SDK1: variants seen among roughly 807,000 people sequenced by gnomAD.
SDK1 encodes protein sidekick-1.
Under a neutral mutation model 245.5 loss-of-function variants are expected in SDK1, and 157 were observed. The ratio of observed to expected loss-of-function variants is 0.64; its 90% CI spans 0.56 to 0.73. The LOEUF (loss-of-function observed/expected upper bound fraction) is 0.73, where lower values mean the gene tolerates loss of function less well. Among genes scored for constraint, SDK1 ranks in the 30% least tolerant of loss-of-function variants. The probability of loss-of-function intolerance (pLI) is 0.00; values close to 1 mark genes in which losing one functional copy is unlikely to be tolerated. For missense variants in SDK1, 3,583 were observed against 3,002.3 expected (o/e 1.19, Z -4.52); for synonymous variants, 1,647 against 1,278.5 (o/e 1.29, Z -6.15).
At chr7:3,923,273 G>C (rs992979409) in intron 5 of SDK1, among the ~76,000 whole-genome samples, 2 of 151,654 alleles carry the variant, frequency 1.3e-5, no homozygotes, top group Non-Finnish European at 2.9e-5. Context: ...CCATTATTAT[G>C]GACTTTTTTT....
At chr7:3,412,636 A>G (rs954482336) in intron 1 of SDK1, among the ~76,000 whole-genome samples, 1 of 152,248 alleles carries the variant, frequency 6.6e-6, no homozygotes, top group Non-Finnish European at 1.5e-5. Context: ...ATAAATTCCT[A>G]GAATGGCTGG....
chr7:4,099,266 C>A (rs894028824), intron 22 of SDK1, among the ~76,000 whole-genome samples: 2 of 151,044 alleles, frequency 1.3e-5, no homozygotes, highest in African/African-American at 2.4e-5. Flanking sequence ...GCCAACAGAT[C>A]GAGAGACAAA....
chr7:4,144,445 G>A (rs1202684695), intron 28 of SDK1, among the ~76,000 whole-genome samples: 4 of 39,798 alleles, frequency 1.0e-4, no homozygotes, highest in African/African-American at 2.7e-4. Flanking sequence ...TGTCTGTGTG[G>A]CGGTGATGAC....
At chr7:3,639,310 A>T (rs1490071186) in intron 3 of SDK1, among the ~76,000 whole-genome samples, 200 bp downstream of exon 3, 1 of 152,152 alleles carries the variant, frequency 6.6e-6, no homozygotes, top group Admixed American at 6.5e-5. Flanking sequence ...GGCAAAGGGC[A>T]CTTTTCTTCA....
intron 5 of SDK1, among the ~76,000 whole-genome samples, chr7:3,891,144 A>G (rs144696144): frequency 6.6e-6 from 1 of 152,250 alleles, no homozygotes; most frequent in African/African-American, 2.4e-5. Flanking sequence ...GCCCAGTGGT[A>G]CTTCCACTGG....
intron 16 of SDK1, among the ~76,000 whole-genome samples, chr7:4,014,007 G>A (rs1206342774): frequency 1.3e-5 from 2 of 152,224 alleles, no homozygotes; most frequent in African/African-American, 4.8e-5. Context: ...GGCTCCTGTG[G>A]CACTGCTGCT....
intron 4 of SDK1, among the ~76,000 whole-genome samples, chr7:3,731,418 C>T (rs1269121619): frequency 2.0e-5 from 3 of 152,170 alleles, no homozygotes; most frequent in Non-Finnish European, 4.4e-5. Context: ...AGCCACTGAT[C>T]CCATCACTCT....
intron 32 of SDK1, among the ~76,000 whole-genome samples, chr7:4,166,508 C>T (rs1339296058): frequency 6.6e-6 from 1 of 152,222 alleles, no homozygotes; most frequent in Non-Finnish European, 1.5e-5. Context: ...CCCGGCACAG[C>T]CTGAGGAAAG....
intron 19 of SDK1, among the ~76,000 whole-genome samples, chr7:4,056,161 T>TA (rs1387473367): frequency 2.0e-5 from 3 of 152,060 alleles, no homozygotes; most frequent in African/African-American, 7.3e-5. Flanking sequence ...CAATTTTTTT[T>TA]TTTTTTTTAG....
chr7:4,210,127 A>G lies in SDK1; in HGVS notation c.5504A>G (p.Tyr1835Cys). 1 of 1,605,248 alleles carries G rather than the reference A, an allele frequency of 6.2e-7. No homozygotes were observed. Among genetic ancestry groups the G allele is most frequent in the Non-Finnish European group, 8.5e-7 (1 of 1,176,602 alleles). The change falls in exon 38 of 45, where the codon TAT becomes TGT. Residue 1835 changes from tyrosine (Y) to cysteine (C), a missense_variant. Coordinates refer to ENST00000404826, the MANE Select transcript of SDK1 (RefSeq NM_152744.4). The stretch of plus-strand genomic sequence containing the variant: ...GCGGCCAACGGCATCCTGCAGGGCT[A>G]TCGGGTGGTGTACGAGCCCTTGGCC... ...PAAANGILQG[Y>C]RVVYEPLAPV...
At chr7:3,481,891 TCTGA>T (rs765245231) in intron 1 of SDK1, among the ~76,000 whole-genome samples, 2 of 152,212 alleles carry the variant, frequency 1.3e-5, no homozygotes, top group Non-Finnish European at 2.9e-5. Flanking sequence ...CTGCCAGGAC[TCTGA>T]CTGATACAGT....
intron 4 of SDK1, among the ~76,000 whole-genome samples, chr7:3,689,676 C>A (rs1784391157): frequency 6.6e-6 from 1 of 152,178 alleles, no homozygotes; most frequent in African/African-American, 2.4e-5. Flanking sequence ...GATTTCCTCT[C>A]TGTTTCTTAC....
chr7:3,450,325 T>C (rs893215371), intron 1 of SDK1, among the ~76,000 whole-genome samples: 3 of 152,236 alleles, frequency 2.0e-5, no homozygotes, highest in African/African-American at 4.8e-5. Flanking sequence ...CACTGCTGTT[T>C]AGAAGGACTT....
chr7:4,012,817 GTCC>G (rs2128149991), intron 16 of SDK1, among the ~76,000 whole-genome samples: 1 of 151,952 alleles, frequency 6.6e-6, no homozygotes, highest in East Asian at 1.9e-4. Flanking sequence ...CAGGTGACCT[GTCC>G]TCCTCAGCCT....
chr7:3,890,310 G>C (rs965935327), intron 5 of SDK1, among the ~76,000 whole-genome samples: 1 of 152,212 alleles, frequency 6.6e-6, no homozygotes, highest in African/African-American at 2.4e-5. Context: ...ATTGATACGT[G>C]CTATGTGTGA....
intron 5 of SDK1, among the ~76,000 whole-genome samples, chr7:3,834,087 C>A (rs921556264): frequency 6.6e-6 from 1 of 152,168 alleles, no homozygotes; most frequent in South Asian, 2.1e-4. Context: ...TCAGCCTACA[C>A]CATTTTCAAT....
chr7:3,964,638 T>A (rs1781957186), intron 9 of SDK1, among the ~76,000 whole-genome samples: 1 of 152,242 alleles, frequency 6.6e-6, no homozygotes, highest in Non-Finnish European at 1.5e-5. Flanking sequence ...TCCATGGTTG[T>A]ATAATACTGT....
At chr7:3,374,511 T>G (rs1015267982) in intron 1 of SDK1, among the ~76,000 whole-genome samples, 1 of 152,192 alleles carries the variant, frequency 6.6e-6, no homozygotes, top group Non-Finnish European at 1.5e-5. Context: ...CTTCAGTGGC[T>G]GCCACCAGAA....
intron 2 of SDK1, among the ~76,000 whole-genome samples, chr7:3,619,733 G>A (rs1189139333): frequency 6.6e-5 from 10 of 152,144 alleles, no homozygotes; most frequent in Non-Finnish European, 1.2e-4. Context: ...ATATTCAGCA[G>A]CAATAAAACA....
Sources: allele counts gnomAD v4.1 joint callset (sites outside exome capture counted in the v4.1 genomes callset), GRCh38; gene constraint gnomAD v4.1.1; transcripts MANE v1.5; gene names NCBI Gene and HGNC (gene_info 2026-07-23, HGNC 2026-07-21).